The following GLDC variants were observed in gnomAD, a reference collection of about 807,000 sequenced individuals.
The protein encoded by GLDC is glycine dehydrogenase (decarboxylating), mitochondrial.
In GLDC, 104 loss-of-function variants were observed where a neutral mutation model predicts 121.3. The observed-to-expected ratio is 0.86, with a 90% CI of 0.73 to 1.01. The LOEUF (loss-of-function observed/expected upper bound fraction) is 1.01, where lower values mean the gene tolerates loss of function less well. Among genes scored for constraint, GLDC ranks in the 50% least tolerant of loss-of-function variants. The pLI is 0.00. For synonymous variants in GLDC, 546 were observed against 480.6 expected, an observed-to-expected ratio of 1.14 and a Z score of -1.78; for missense variants, 1,429 against 1,306.6, an observed-to-expected ratio of 1.09 and a Z score of -1.44.
At chr9:6,552,142 A>C (rs954945935) in intron 20 of GLDC, among the ~76,000 whole-genome samples, 21 of 152,314 alleles carry the variant, frequency 1.4e-4, no homozygotes, top group African/African-American at 5.1e-4. Flanking sequence ...CAGGGAGAGA[A>C]GCAGCTAAAG....
intron 15 of GLDC, among the ~76,000 whole-genome samples, chr9:6,573,057 T>G (rs1486988036): frequency 6.6e-6 from 1 of 152,216 alleles, no homozygotes; most frequent in African/African-American, 2.4e-5. Context: ...GGATCCCATC[T>G]GTCACGTGGA....
At chr9:6,629,958 T>TATATATATATATATATGTGTA in intron 2 of GLDC, among the ~76,000 whole-genome samples, 1 of 78,680 alleles carries the variant, frequency 1.3e-5, no homozygotes, top group African/African-American at 6.1e-5. Context: ...TATATATATA[T>TATATATATATATATATGTGTA]TTTTTTTTTT....
intron 8 of GLDC, among the ~76,000 whole-genome samples, chr9:6,597,217 G>T (rs1818508824): frequency 6.6e-6 from 1 of 152,182 alleles, no homozygotes; most frequent in Non-Finnish European, 1.5e-5. Context: ...GCTATAGGAA[G>T]GGGAGAGGGA....
intron 15 of GLDC, among the ~76,000 whole-genome samples, chr9:6,572,716 G>C (rs766214067): frequency 7.2e-5 from 11 of 152,160 alleles, no homozygotes; most frequent in Non-Finnish European, 1.3e-4. Flanking sequence ...TCTGCTGCCA[G>C]CCTTTCTTGG....
chr9:6,625,045 C>T (rs1475535606), intron 2 of GLDC, among the ~76,000 whole-genome samples: 1 of 151,786 alleles, frequency 6.6e-6, no homozygotes, highest in Admixed American at 6.6e-5. Context: ...CATGGTTTCC[C>T]ACACATCATT....
chr9:6,593,089 C>T, intron 9 of GLDC, 99 bp from the exon 10 acceptor site: 2 of 1,296,952 alleles, frequency 1.5e-6, no homozygotes, highest in South Asian at 1.2e-5. Flanking sequence ...CTACTAGACT[C>T]TTGTTGGTCC....
intron 17 of GLDC, among the ~76,000 whole-genome samples, chr9:6,557,008 C>T (rs1450620781): frequency 4.6e-5 from 7 of 152,084 alleles, no homozygotes; most frequent in Non-Finnish European, 8.8e-5. Context: ...CTCTGCTCAT[C>T]TTCTCATATC....
At chr9:6,558,395 C>G in intron 17 of GLDC, 164 bp downstream of exon 17, 3 of 791,516 alleles carry the variant, frequency 3.8e-6, no homozygotes, top group Non-Finnish European at 6.6e-6. Context: ...GGGGATTTCT[C>G]CCTGTTGGTG....
chr9:6,621,836 T>C (rs1819102874), intron 2 of GLDC, among the ~76,000 whole-genome samples: 1 of 152,112 alleles, frequency 6.6e-6, no homozygotes, highest in Non-Finnish European at 1.5e-5. Context: ...ACTTTTTAGA[T>C]AGAAATGACA....
intron 15 of GLDC, among the ~76,000 whole-genome samples, chr9:6,575,513 A>G (rs528911739): frequency 6.6e-6 from 1 of 152,186 alleles, no homozygotes; most frequent in Non-Finnish European, 1.5e-5. Context: ...GTAATTGCAC[A>G]AGCCCTCCAG....
intron 3 of GLDC, among the ~76,000 whole-genome samples, chr9:6,611,329 G>C (rs7035557): frequency 1.3e-5 from 2 of 152,116 alleles, no homozygotes; most frequent in South Asian, 4.1e-4. Context: ...AGGTCAAGGC[G>C]GGCGGATCAC....
At chr9:6,547,423 C>T (rs1817417756) in intron 21 of GLDC, among the ~76,000 whole-genome samples, 1 of 152,162 alleles carries the variant, frequency 6.6e-6, no homozygotes, top group Non-Finnish European at 1.5e-5. Flanking sequence ...TTTCACCTAT[C>T]AAATTGGCCA....
intron 6 of GLDC, 142 bp downstream of exon 6, chr9:6,604,989 G>A (rs1332825619): frequency 2.1e-5 from 20 of 970,420 alleles, no homozygotes; most frequent in Non-Finnish European, 2.0e-5. Flanking sequence ...GTAGCAGCAA[G>A]GAGTCAGGAA....
At chr9:6,631,598 T>A (rs934059882) in intron 2 of GLDC, among the ~76,000 whole-genome samples, 2 of 152,216 alleles carry the variant, frequency 1.3e-5, no homozygotes, top group African/African-American at 4.8e-5. Flanking sequence ...TCAGGCCAAA[T>A]GCTGAGTTTG....
chr9:6,638,638 T>G (rs1819561438), intron 2 of GLDC, among the ~76,000 whole-genome samples: 1 of 146,744 alleles, frequency 6.8e-6, no homozygotes, highest in African/African-American at 2.4e-5. Context: ...CACCTAGAAC[T>G]TTTTAACTGT....
intron 15 of GLDC, among the ~76,000 whole-genome samples, chr9:6,566,993 G>T (rs1817867536): frequency 6.6e-6 from 1 of 152,122 alleles, no homozygotes; most frequent in Non-Finnish European, 1.5e-5. Flanking sequence ...CAGAGCTACG[G>T]GCTCCCTTTG....
chr9:6,551,325 C>A (rs1329542015), intron 20 of GLDC, among the ~76,000 whole-genome samples: 1 of 152,152 alleles, frequency 6.6e-6, no homozygotes, highest in Non-Finnish European at 1.5e-5. Flanking sequence ...TCCACGGAAG[C>A]AATTTTGTCT....
chr9:6,556,401 G>A, intron 17 of GLDC, 99 bp from the exon 18 acceptor site: 3 of 1,012,030 alleles, frequency 3.0e-6, no homozygotes, highest in South Asian at 1.3e-5. Context: ...GAAAGATGAA[G>A]TCTCAGTCTT....
chr9:6,580,701 C>A (rs190073894), intron 15 of GLDC, among the ~76,000 whole-genome samples: 165 of 152,244 alleles, frequency 1.1e-3, no homozygotes, highest in African/African-American at 3.7e-3. Flanking sequence ...AAGCTGGTGC[C>A]ATAGTTATTG....
Sources: gnomAD v4.1 joint callset for allele counts (sites outside exome capture counted in the v4.1 genomes callset) on GRCh38, gnomAD v4.1.1 for gene constraint, MANE v1.5 for transcripts, NCBI Gene and HGNC (gene_info 2026-07-23, HGNC 2026-07-21) for gene names.